Variants in NOL11 observed in about 807,000 individuals in gnomAD.
The protein encoded by NOL11 is nucleolar protein 11.
A neutral mutation model predicts 93.0 loss-of-function variants in NOL11; 42 were observed. The ratio of observed to expected loss-of-function variants is 0.45; its 90% CI spans 0.35 to 0.58. NOL11 has a LOEUF of 0.58. Among genes scored for constraint, NOL11 ranks in the 20% least tolerant of loss-of-function variants. NOL11 has a pLI of 0.00. For synonymous variants in NOL11, 296 were observed against 293.7 expected (o/e 1.01, Z -0.08); for missense variants, 775 against 841.8 (o/e 0.92, Z 0.98).
chr17:67,718,092 A>T lies in NOL11; in HGVS notation c.141+4A>T, dbSNP rs1191001536. 6.2e-7 allele frequency: 1 copy of T among 1,613,524 alleles called. No individual in the cohort carries two copies. Among genetic ancestry groups the T allele is most frequent in the Non-Finnish European group, 8.5e-7 (1 of 1,179,650 alleles). ...CAGGACAGTCATCCTCTATAAGGTG[A>T]AGGCAATAGGTTTGGGAGCGCCCCG... is the stretch of plus-strand genomic sequence containing the variant. On this transcript the variant is annotated splice_donor_region_variant and intron_variant, in intron 1 of 17. Coordinates refer to ENST00000253247, the MANE Select transcript of NOL11 (RefSeq NM_015462.5).
At chr17:67,734,600 A>G (rs1346496500) in intron 8 of NOL11, among the ~76,000 whole-genome samples, 161 bp downstream of exon 8, 1 of 152,180 alleles carries the variant, frequency 6.6e-6, no homozygotes, top group Non-Finnish European at 1.5e-5. Flanking sequence ...TTTTCTGCCT[A>G]ATAAATATGC....
At chr17:67,737,267 A>C in intron 11 of NOL11, 122 bp downstream of exon 11, 3 of 714,460 alleles carry the variant, frequency 4.2e-6, no homozygotes, top group Non-Finnish European at 7.2e-6. Context: ...ATCTTGTAGT[A>C]TCTTAAGGGT....
rs2055282345 is a variant in NOL11, at chr17:67,744,409, C to T, written c.*550C>T. On this transcript the variant is annotated 3_prime_UTR_variant, in exon 18 of 18. Coordinates refer to ENST00000253247, the MANE Select transcript of NOL11 (RefSeq NM_015462.5). ...GTTCAAGTGTGATTCTACAGCCCAG[C>T]TTTACAGAAAGAATCCTGATGGCTG... is the stretch of plus-strand genomic sequence containing the variant. 6.6e-6 allele frequency: 1 copy of T among 152,228 alleles called. No individual in the cohort carries two copies. Among genetic ancestry groups the T allele is most frequent in the Admixed American group, 6.5e-5 (1 of 15,288 alleles). The allele number at this position is 152,228 out of a possible 1,614,324, so 9.4% of individuals were successfully genotyped here.
intron 7 of NOL11, among the ~76,000 whole-genome samples, chr17:67,730,256 GT>G (rs1485060751): frequency 6.8e-6 from 1 of 147,826 alleles, no homozygotes; most frequent in Middle Eastern, 3.2e-3. Context: ...GTTGTTTTTT[GT>G]TTGTTTGTTT....
Position 67,719,802 on chromosome 17 carries a change from T to G in NOL11, c.255+15T>G. The stretch of plus-strand genomic sequence containing the variant: ...ACGATAATAAGGTGAGTTTTAAAAC[T>G]TTTGTATAATATATACAATATAAAT... On this transcript the variant is annotated intron_variant, in intron 2 of 17. Coordinates refer to ENST00000253247, the MANE Select transcript of NOL11 (RefSeq NM_015462.5). 6.5e-7 allele frequency: 1 copy of G among 1,528,946 alleles called. No individual in the cohort carries two copies. Among genetic ancestry groups the G allele is most frequent in the Non-Finnish European group, 9.0e-7 (1 of 1,115,000 alleles). The allele number at this position is 1,528,946 out of a possible 1,614,324, so 94.7% of individuals were successfully genotyped here.
At chr17:67,720,706 T>G (rs2043211953) in intron 3 of NOL11, among the ~76,000 whole-genome samples, 3 of 152,230 alleles carry the variant, frequency 2.0e-5, no homozygotes, top group African/African-American at 7.2e-5. Flanking sequence ...TGTTCATTTT[T>G]TCTTACTTAT....
chr17:67,730,063 C>CT (rs2055137813), intron 7 of NOL11, among the ~76,000 whole-genome samples: 3 of 152,126 alleles, frequency 2.0e-5, no homozygotes, highest in African/African-American at 7.2e-5. Flanking sequence ...TGAGGTTCAT[C>CT]TACCTCGTTG....
chr17:67,738,771 C>T (rs777557721), intron 14 of NOL11, 161 bp from the exon 15 acceptor site: 3 of 567,136 alleles, frequency 5.3e-6, no homozygotes, highest in East Asian at 2.9e-5. Flanking sequence ...AAGTATTCCA[C>T]ATGATCTCCA....
At position 67,736,442 on chromosome 17, in the gene NOL11, C is replaced by T. The variant is rs554618818; in HGVS notation, c.1055-224C>T. ...CAAACAAAATCAGTAATACCTCTGC[C>T]CTCCCTTGTTTACCGATGGCCTCAT... On this transcript the variant is annotated intron_variant, in intron 9 of 17. Transcript: ENST00000253247. The T allele has an allele frequency of 3.7e-5, 19 of 507,594 alleles. No individual in the cohort carries two copies. The East Asian group carries it at 5.8e-4, about 16-fold the overall frequency. The allele number at this position is 507,594 out of a possible 1,614,324, so 31.4% of individuals were successfully genotyped here.
At chr17:67,718,192 A>G in intron 1 of NOL11, 104 bp downstream of exon 1, 1 of 1,501,098 alleles carries the variant, frequency 6.7e-7, no homozygotes, top group Non-Finnish European at 9.1e-7. Flanking sequence ...GATCGTGGAG[A>G]AGGCTTAGCA....
At chr17:67,738,660 C>A in intron 14 of NOL11, 1 of 457,078 alleles carries the variant, frequency 2.2e-6, no homozygotes, top group Admixed American at 3.9e-5. Flanking sequence ...GGCGAGACCC[C>A]CATCTCTACA....
chr17:67,719,333 C>T (rs62086200), intron 1 of NOL11: 140,651 of 172,042 alleles, frequency 0.82, 58,131 homozygotes, highest in Non-Finnish European at 0.88. Context: ...CGATCTCGGC[C>T]CACTGCAACC....
At chr17:67,724,663 G>A (rs564770430) in intron 6 of NOL11, among the ~76,000 whole-genome samples, 67 of 152,256 alleles carry the variant, frequency 4.4e-4, no homozygotes, top group African/African-American at 1.6e-3. Flanking sequence ...TTGCATGTCT[G>A]GCCATGCATT....
intron 7 of NOL11, among the ~76,000 whole-genome samples, chr17:67,732,454 G>T (rs1400556199): frequency 7.1e-6 from 1 of 141,162 alleles, no homozygotes; most frequent in East Asian, 2.1e-4. Flanking sequence ...TCACACCACT[G>T]CACTCCAGCC....
chr17:67,728,070 C>T (rs1406952763), intron 7 of NOL11, among the ~76,000 whole-genome samples: 4 of 152,092 alleles, frequency 2.6e-5, no homozygotes, highest in Admixed American at 2.6e-4. Context: ...ACCATCCTGG[C>T]TAACATGGTG....
Position 67,728,254 on chromosome 17 carries a change from C to T in NOL11, c.853+1606C>T, listed in dbSNP as rs542741881. ...CAGCCTGGGGGACAGAGCAAGACTC[C>T]GTCTCAGAAAATAAATAAATAAATA... On this transcript the variant is annotated intron_variant, in intron 7 of 17. Transcript: ENST00000253247. 6.8e-4 allele frequency among the ~76,000 whole-genome samples: 103 copies of T among 152,140 alleles called. No individual in the cohort carries two copies. In the Middle Eastern group the frequency reaches 0.02, roughly 30 times the overall value.
In NOL11 at chr17:67,739,625, A is replaced by G; in HGVS notation, c.1935+17A>G. The G allele has an allele frequency of 6.7e-7, 1 of 1,483,560 alleles. No homozygotes were observed. Among genetic ancestry groups the G allele is most frequent in the Non-Finnish European group, 9.2e-7 (1 of 1,082,660 alleles). 91.9% of individuals were successfully genotyped at this position (1,483,560 alleles called of 1,614,324 possible). A position where few individuals can be genotyped will look rare whatever the true frequency, so the allele number is the denominator to read the frequency against. ...TTGAACCAGGTGAGATTATTTTTTT[A>G]CTTTGATTTGGTGCTGGGAAAAATC... On this transcript the variant is annotated intron_variant, in intron 16 of 17. Transcript: ENST00000253247.
intron 15 of NOL11, among the ~76,000 whole-genome samples, chr17:67,739,220 G>A (rs2055231930): frequency 6.6e-6 from 1 of 152,052 alleles, no homozygotes; most frequent in Non-Finnish European, 1.5e-5. Context: ...CAAACTTGAA[G>A]GCCAAGTTAA....
At chr17:67,729,080 T>G (rs1053594356) in intron 7 of NOL11, among the ~76,000 whole-genome samples, 1 of 132,834 alleles carries the variant, frequency 7.5e-6, no homozygotes, top group Non-Finnish European at 1.6e-5. Flanking sequence ...TACTTCTGTC[T>G]AGTTTTTTTT....
Sources: allele counts gnomAD v4.1 joint callset (sites outside exome capture counted in the v4.1 genomes callset), GRCh38; gene constraint gnomAD v4.1.1; transcripts MANE v1.5; gene names NCBI Gene and HGNC (gene_info 2026-07-23, HGNC 2026-07-21).